CSGALNACT1: variants seen among roughly 807,000 people sequenced by gnomAD.
CSGALNACT1 encodes beta4GalNAcT-1.
CSGALNACT1 carries 52 observed loss-of-function variants against 51.0 expected under a neutral mutation model. The ratio of observed to expected loss-of-function variants is 1.02; its 90% confidence interval spans 0.82 to 1.29. The LOEUF is 1.29. CSGALNACT1 is among the 50% of genes most tolerant of loss of function. The probability of loss-of-function intolerance (pLI) is 0.00; values close to 1 mark genes in which losing one functional copy is unlikely to be tolerated. For missense variants in CSGALNACT1, 935 were observed against 679.2 expected (o/e 1.38, Z -4.19); for synonymous variants, 341 against 254.4 (o/e 1.34, Z -3.24).
chr8:19,594,101 G>A (rs773917825), intron 2 of CSGALNACT1, among the ~76,000 whole-genome samples: 4 of 152,184 alleles, frequency 2.6e-5, no homozygotes, highest in Admixed American at 6.5e-5. Context: ...TTTGACGTCA[G>A]CAGTTTGGAT....
In CSGALNACT1 at chr8:19,441,635, A is replaced by G. The variant is rs146221160; in HGVS notation, c.852-1704T>C. ...AAAACCCTAGAAGAAAACCTAGACA[A>G]TACGATTCAGGACATAGGCATGGGC... On this transcript the variant is annotated intron_variant, in intron 5 of 9. Coordinates refer to ENST00000454498, the Ensembl canonical transcript of CSGALNACT1. Among the ~76,000 whole-genome samples the G allele has an allele frequency of 4.0e-3, 615 of 152,330 alleles. 1 individual carries two copies. Among genetic ancestry groups the G allele is most frequent in the Non-Finnish European group, 6.6e-3 (448 of 68,036 alleles).
intron 4 of CSGALNACT1, among the ~76,000 whole-genome samples, chr8:19,499,485 C>A (rs956418025): frequency 2.6e-5 from 4 of 152,154 alleles, no homozygotes; most frequent in Admixed American, 6.5e-5. Context: ...AAACAAATAA[C>A]GTTTTTTTCC....
rs148299355 is a variant in CSGALNACT1, at chr8:19,411,090, C to G, written c.1228-2396G>C. 3.6e-3 allele frequency among the ~76,000 whole-genome samples: 552 copies of G among 152,274 alleles called. 1 individual carries two copies. Among genetic ancestry groups the G allele is most frequent in the African/African-American group, 0.013 (530 of 41,560 alleles). ...CTCCCTCTTGGATTCTCCATGCTCA[C>G]AGGTCTCCAAGGCCAGATACTTGCA... On this transcript the variant is annotated intron_variant, in intron 8 of 9. Coordinates refer to ENST00000454498, the Ensembl canonical transcript of CSGALNACT1.
chr8:19,490,781 C>A, intron 4 of CSGALNACT1, among the ~76,000 whole-genome samples: 1 of 152,186 alleles, frequency 6.6e-6, no homozygotes, highest in Non-Finnish European at 1.5e-5. Context: ...CTGCTCCAGC[C>A]TTGGTATTTA....
rs549033503 is a variant in CSGALNACT1, at chr8:19,630,983, A to G, written c.-543-29118T>C. Among the ~76,000 whole-genome samples, 51 of 152,266 alleles carry G rather than the reference A, an allele frequency of 3.3e-4. 1 individual carries two copies. In the East Asian group the frequency reaches 4.0e-3, roughly 12 times the overall value. ...ATTGACATGTTATTAACTAAAGTCCATTGTTTTCATTGGAGCTCGCTGGGT... is the reference window on the plus strand; with the variant it reads ...ATTGACATGTTATTAACTAAAGTCCGTTGTTTTCATTGGAGCTCGCTGGGT... On this transcript the variant is annotated intron_variant, in intron 1 of 9. Transcript: ENST00000332246.
intron 1 of CSGALNACT1, among the ~76,000 whole-genome samples, chr8:19,729,625 T>C (rs1305102780): frequency 1.3e-5 from 2 of 152,208 alleles, no homozygotes; most frequent in African/African-American, 4.8e-5. Flanking sequence ...ATTGAAAGGC[T>C]TTAATTCATT....
chr8:19,757,537 C>A lies in CSGALNACT1; in HGVS notation c.-297+313G>T, dbSNP rs2065476224. Among the ~76,000 whole-genome samples, 1 of 152,134 alleles carries A rather than the reference C, an allele frequency of 6.6e-6. No individual in the cohort carries two copies. The highest frequency in any genetic ancestry group is 2.4e-5 in the African/African-American group (1 of 41,458). On this transcript the variant is annotated intron_variant, in intron 1 of 1. Coordinates refer to the CSGALNACT1 transcript ENST00000517494. The surrounding 1 kb of genome is among the most constrained non-coding windows in gnomAD (Gnocchi z 4.0). ...CGAAGCCTGTCACTCTCGGAAGGGGCCGCGCTCGGACACCAGGGGCGGTTT... is the reference window on the plus strand; with the variant it reads ...CGAAGCCTGTCACTCTCGGAAGGGGACGCGCTCGGACACCAGGGGCGGTTT...
chr8:19,413,096 C>T (rs1472480333), intron 8 of CSGALNACT1, among the ~76,000 whole-genome samples: 1 of 152,198 alleles, frequency 6.6e-6, no homozygotes, highest in Non-Finnish European at 1.5e-5. Flanking sequence ...CCATCTCCTT[C>T]CAGATGTATT....
chr8:19,460,683 A>T (rs556777864), intron 4 of CSGALNACT1, among the ~76,000 whole-genome samples: 1 of 152,220 alleles, frequency 6.6e-6, no homozygotes, highest in African/African-American at 2.4e-5. Flanking sequence ...GTACATAAAT[A>T]GATTTCTCTC....
intron 3 of CSGALNACT1, among the ~76,000 whole-genome samples, chr8:19,570,745 C>A (rs2042849205): frequency 6.6e-6 from 1 of 152,062 alleles, no homozygotes; most frequent in Non-Finnish European, 1.5e-5. Flanking sequence ...ACTAAAAACA[C>A]AAAAATTAGC....
At chr8:19,731,258 A>C (rs1357108140) in intron 1 of CSGALNACT1, among the ~76,000 whole-genome samples, 1 of 152,212 alleles carries the variant, frequency 6.6e-6, no homozygotes, top group African/African-American at 2.4e-5. Context: ...CTGTAATCCC[A>C]GCACTTTGGC....
chr8:19,749,183 G>T (rs2064874725), intron 1 of CSGALNACT1, among the ~76,000 whole-genome samples: 1 of 150,462 alleles, frequency 6.6e-6, no homozygotes, highest in Non-Finnish European at 1.5e-5. Flanking sequence ...TCATTTCAAG[G>T]ACTATTCCTC....
intron 1 of CSGALNACT1, among the ~76,000 whole-genome samples, chr8:19,637,155 G>C (rs1164702392): frequency 6.6e-6 from 1 of 152,128 alleles, no homozygotes; most frequent in Non-Finnish European, 1.5e-5. Context: ...GTAGTGAGTG[G>C]AGATCGCACC....
At chr8:19,431,280 G>C (rs1008409491) in intron 6 of CSGALNACT1, among the ~76,000 whole-genome samples, 2 of 152,058 alleles carry the variant, frequency 1.3e-5, no homozygotes, top group African/African-American at 2.4e-5. Flanking sequence ...TCACCATTAA[G>C]TATGATGTTT....
rs142112103 is a variant in CSGALNACT1 at position 19,405,861 on chromosome 8, C to A, written c.1518G>T (p.Gln506His). The A allele has an allele frequency of 1.3e-4, 209 of 1,614,182 alleles. No homozygotes were observed. Among genetic ancestry groups the A allele is most frequent in the Non-Finnish European group, 1.7e-4 (202 of 1,180,044 alleles). Residue 506 changes from glutamine (Q) to histidine (H), a missense_variant, in exon 10 of 10, where the codon CAG becomes CAT. Physicochemically the swap from Gln to His is conservative, Grantham distance 24 (BLOSUM62 0). Coordinates refer to ENST00000454498, the Ensembl canonical transcript of CSGALNACT1. ...CGTGCCTGAACACCAGCATGCCCAGCTGGCCGTGGGATGCCTCGTTCATGG... is the reference window on the plus strand; with the variant it reads ...CGTGCCTGAACACCAGCATGCCCAGATGGCCGTGGGATGCCTCGTTCATGG...
chr8:19,473,166 A>G (rs1327628853), intron 4 of CSGALNACT1, among the ~76,000 whole-genome samples: 1 of 152,182 alleles, frequency 6.6e-6, no homozygotes, highest in Non-Finnish European at 1.5e-5. Context: ...AAGATTTTTG[A>G]TATTCTGGTA....
intron 1 of CSGALNACT1, among the ~76,000 whole-genome samples, chr8:19,642,353 A>G (rs968155060): frequency 6.6e-5 from 10 of 152,178 alleles, no homozygotes; most frequent in Non-Finnish European, 1.5e-4. Context: ...AAGAAATAAA[A>G]CATAAAGCTA....
chr8:19,499,987 G>A (rs1300958098), intron 4 of CSGALNACT1, among the ~76,000 whole-genome samples: 1 of 152,156 alleles, frequency 6.6e-6, no homozygotes. Context: ...CTCAAGCCAT[G>A]TATTTGCTTT....
upstream of CSGALNACT1, chr8:19,682,752 G>A: frequency 2.2e-6 from 1 of 454,052 alleles, no homozygotes; most frequent in Non-Finnish European, 4.4e-6. Context: ...GCGGATCCCA[G>A]AACAAGCCCG....
Sources: gnomAD v4.1 joint callset for allele counts (sites outside exome capture counted in the v4.1 genomes callset) on GRCh38, gnomAD v4.1.1 for gene constraint, Gnocchi (gnomAD v3.1) non-coding constraint, MANE v1.5 for transcripts, NCBI Gene and HGNC (gene_info 2026-07-23, HGNC 2026-07-21) for gene names.